Variants in GSE1 observed in about 807,000 individuals in gnomAD.
GSE1 encodes Gse1 coiled-coil protein, also known as genetic suppressor element 1.
A neutral mutation model predicts 112.6 loss-of-function variants in GSE1; 32 were observed. That is an observed-to-expected ratio of 0.28 (90% CI 0.21 to 0.38). The LOEUF (loss-of-function observed/expected upper bound fraction) is 0.38, where lower values mean the gene tolerates loss of function less well. Ranked by LOEUF, GSE1 falls within the 10% of genes least tolerant of loss-of-function variation. GSE1 has a pLI of 1.00. For missense variants in GSE1, 2,348 were observed against 1,699.2 expected, an observed-to-expected ratio of 1.38 and a Z score of -6.71; for synonymous variants, 1,115 against 735.6, an observed-to-expected ratio of 1.52 and a Z score of -8.35.
chr16:85,527,421 G>T (rs2052398822), intron 2 of GSE1, among the ~76,000 whole-genome samples: 1 of 152,286 alleles, frequency 6.6e-6, no homozygotes, highest in African/African-American at 2.4e-5. Context: ...GATGAACCGG[G>T]ATTACCGGGG....
chr16:85,474,339 C>A (rs888401882), intron 2 of GSE1, among the ~76,000 whole-genome samples: 1 of 152,174 alleles, frequency 6.6e-6, no homozygotes, highest in Non-Finnish European at 1.5e-5. Flanking sequence ...GCCCTGCCCT[C>A]TGCCCTCCTC....
chr16:85,593,974 G>A (rs1390250893), intron 1 of GSE1: 2 of 152,116 alleles, frequency 1.3e-5, no homozygotes, highest in African/African-American at 2.4e-5. Context: ...CCCGGTTGCT[G>A]GGGTCCGCGC....
intron 1 of GSE1, among the ~76,000 whole-genome samples, chr16:85,220,127 C>T (rs2075366723): frequency 6.6e-6 from 1 of 152,268 alleles, no homozygotes; most frequent in African/African-American, 2.4e-5. Flanking sequence ...CTCACCCTTT[C>T]TCAAGGAGCA....
At chr16:85,177,413 C>A (rs1240666364) in intron 1 of GSE1, among the ~76,000 whole-genome samples, 1 of 152,250 alleles carries the variant, frequency 6.6e-6, no homozygotes. Flanking sequence ...GATGCCATGT[C>A]TGTCCTCGGA....
chr16:85,420,215 C>G (rs1269071726), intron 2 of GSE1, among the ~76,000 whole-genome samples: 1 of 151,974 alleles, frequency 6.6e-6, no homozygotes, highest in East Asian at 1.9e-4. Flanking sequence ...AGCGAGACCC[C>G]ATTTCTTTTT....
intron 2 of GSE1, among the ~76,000 whole-genome samples, chr16:85,422,228 A>G (rs1168002369): frequency 6.6e-6 from 1 of 152,120 alleles, no homozygotes; most frequent in Non-Finnish European, 1.5e-5. Flanking sequence ...GTGACTTTGC[A>G]TCAGACACAA....
At chr16:85,226,612 A>G (rs974125502) in intron 1 of GSE1, among the ~76,000 whole-genome samples, 2 of 152,268 alleles carry the variant, frequency 1.3e-5, no homozygotes, top group South Asian at 4.1e-4. Flanking sequence ...GTGAGGGAGC[A>G]GGCTGCTGCC....
At chr16:85,590,708 G>T (rs1009303991) in intron 1 of GSE1, among the ~76,000 whole-genome samples, 1 of 152,196 alleles carries the variant, frequency 6.6e-6, no homozygotes, top group Non-Finnish European at 1.5e-5. Flanking sequence ...GTGTGGGAGG[G>T]ATGGAGTGTG....
chr16:85,300,869 G>A (rs1229055288), intron 1 of GSE1, among the ~76,000 whole-genome samples: 1 of 152,184 alleles, frequency 6.6e-6, no homozygotes, highest in Admixed American at 6.5e-5. Context: ...TTGGACTCAC[G>A]CCCCATACCT....
chr16:85,615,347 G>C (rs564988337), intron 1 of GSE1, among the ~76,000 whole-genome samples: 2 of 152,384 alleles, frequency 1.3e-5, no homozygotes, highest in South Asian at 2.1e-4. Context: ...AGCGACCTCG[G>C]TGCTTCCTAA....
chr16:85,413,938 C>T (rs572993853), intron 2 of GSE1, among the ~76,000 whole-genome samples: 1 of 152,338 alleles, frequency 6.6e-6, no homozygotes, highest in South Asian at 2.1e-4. Flanking sequence ...TTGCTCAGCA[C>T]TTCTCCTTCC....
intron 2 of GSE1, among the ~76,000 whole-genome samples, chr16:85,451,966 C>A (rs992349825): frequency 1.3e-5 from 2 of 152,102 alleles, no homozygotes; most frequent in African/African-American, 2.4e-5. Context: ...TGCCTGCCTC[C>A]CCCCCTCACC....
Position 85,565,865 on chromosome 16 carries a change from TC to T in GSE1, c.37+9506del, listed in dbSNP as rs746636930. 5.9e-5 allele frequency among the ~76,000 whole-genome samples: 9 copies of T among 152,260 alleles called. No homozygotes were observed. In the East Asian group the frequency reaches 1.7e-3, roughly 29 times the overall value. On this transcript the variant is annotated intron_variant, in intron 1 of 2. Transcript: ENST00000635906. ...GGAGTTGGGTCCCGATGGCGAGGGT[TC>T]CCCGGGTGTCCTTGCCAGTCTTCTG...
intron 2 of GSE1, among the ~76,000 whole-genome samples, chr16:85,493,963 G>A (rs1433377129): frequency 1.3e-5 from 2 of 151,926 alleles, no homozygotes; most frequent in African/African-American, 4.8e-5. Flanking sequence ...GTTGCCTGTA[G>A]TCCCAGCTAC....
At chr16:85,597,983 G>T (rs150992785) in intron 1 of GSE1, among the ~76,000 whole-genome samples, 2 of 152,200 alleles carry the variant, frequency 1.3e-5, no homozygotes, top group East Asian at 3.9e-4. Flanking sequence ...GCTTCTTGTG[G>T]AATGGTAGAG....
At chr16:85,632,243 C>A (rs537371126) in intron 1 of GSE1, among the ~76,000 whole-genome samples, 1 of 152,336 alleles carries the variant, frequency 6.6e-6, no homozygotes, top group African/African-American at 2.4e-5. Context: ...TGGCTGTTGC[C>A]TGCCATGGGC....
intron 1 of GSE1, among the ~76,000 whole-genome samples, chr16:85,286,572 ATAAAT>A (rs2045031845): frequency 6.6e-6 from 1 of 152,226 alleles, no homozygotes; most frequent in African/African-American, 2.4e-5. Flanking sequence ...GACTGTGAAA[ATAAAT>A]TAAGAGTGGG....
At chr16:85,602,011 G>A (rs1476828686) in intron 1 of GSE1, among the ~76,000 whole-genome samples, 1 of 152,126 alleles carries the variant, frequency 6.6e-6, no homozygotes, top group Non-Finnish European at 1.5e-5. Flanking sequence ...GGGAGAGGGA[G>A]AAGACGGGCC....
At chr16:85,209,194 C>T (rs115550536) in intron 1 of GSE1, among the ~76,000 whole-genome samples, 16 of 152,288 alleles carry the variant, frequency 1.1e-4, no homozygotes, top group South Asian at 4.1e-4. Flanking sequence ...GCAGAAGCTG[C>T]GCAGGAATTG....
Sources: allele counts gnomAD v4.1 joint callset (sites outside exome capture counted in the v4.1 genomes callset), GRCh38; gene constraint gnomAD v4.1.1; transcripts MANE v1.5; gene names NCBI Gene and HGNC (gene_info 2026-07-23, HGNC 2026-07-21).